The following C18orf63 variants were observed in gnomAD, a reference collection of about 807,000 sequenced individuals.
C18orf63 encodes chromosome 18 open reading frame 63.
In C18orf63, 50 loss-of-function variants were observed where a neutral mutation model predicts 75.3. The ratio of observed to expected loss-of-function variants is 0.66; its 90% CI spans 0.53 to 0.84. C18orf63 has a LOEUF of 0.84. Among genes scored for constraint, C18orf63 ranks in the 40% least tolerant of loss-of-function variants. The pLI is 0.00. For missense variants in C18orf63, 732 were observed against 800.2 expected (o/e 0.91, Z 1.03); for synonymous variants, 232 against 267.6 (o/e 0.87, Z 1.30).
intron 7 of C18orf63, among the ~76,000 whole-genome samples, chr18:74,337,239 T>G (rs1011992135): frequency 6.6e-6 from 1 of 152,118 alleles, no homozygotes; most frequent in Non-Finnish European, 1.5e-5. Flanking sequence ...TATAAATATT[T>G]GCTAAATAAA....
chr18:74,316,409 C>T (rs1358852326), intron 1 of C18orf63, among the ~76,000 whole-genome samples: 2 of 152,184 alleles, frequency 1.3e-5, no homozygotes. Flanking sequence ...GGGCGCTCGC[C>T]TGGGGGCAGC....
In C18orf63 at chr18:74,332,119, C is replaced by T. The variant is rs189038803; in HGVS notation, c.501+1177C>T. Among the ~76,000 whole-genome samples, 663 of 152,172 alleles carry T rather than the reference C, an allele frequency of 4.4e-3. 2 individuals carry two copies. In the South Asian group the frequency reaches 0.046, roughly 11 times the overall value. On this transcript the variant is annotated intron_variant, in intron 7 of 13. Coordinates refer to ENST00000579455, the MANE Select transcript of C18orf63 (RefSeq NM_001174123.2). Reference sequence around the variant, plus strand: ...TCTTTGTTTTCTGTCGCTTAGAATACCTGAAATTGGGTAATTTGTAAAGAA... The same window carrying T: ...TCTTTGTTTTCTGTCGCTTAGAATATCTGAAATTGGGTAATTTGTAAAGAA...
At chr18:74,328,812 T>A (rs1243840111) in intron 5 of C18orf63, among the ~76,000 whole-genome samples, 183 bp from the exon 6 acceptor site, 1 of 152,218 alleles carries the variant, frequency 6.6e-6, no homozygotes, top group Non-Finnish European at 1.5e-5. Flanking sequence ...ATTCTTTTAA[T>A]TGAAGAGATA....
chr18:74,344,642 G>A (rs890962770), intron 11 of C18orf63, among the ~76,000 whole-genome samples: 1 of 151,966 alleles, frequency 6.6e-6, no homozygotes, highest in Non-Finnish European at 1.5e-5. Flanking sequence ...CATTTTGCAT[G>A]CTTTTGAACT....
chr18:74,326,545 A>G (rs1337012094), intron 4 of C18orf63, among the ~76,000 whole-genome samples: 1 of 152,134 alleles, frequency 6.6e-6, no homozygotes, highest in Non-Finnish European at 1.5e-5. Flanking sequence ...CTAGCTTCCT[A>G]GACTCTCAGC....
intron 13 of C18orf63, among the ~76,000 whole-genome samples, chr18:74,355,828 G>A (rs1177731060): frequency 1.3e-5 from 2 of 152,180 alleles, no homozygotes; most frequent in Admixed American, 6.5e-5. Flanking sequence ...AACCCGAGAA[G>A]TGGAGATTGC....
At chr18:74,344,343 G>A (rs1984536735) in intron 11 of C18orf63, among the ~76,000 whole-genome samples, 1 of 151,894 alleles carries the variant, frequency 6.6e-6, no homozygotes, top group African/African-American at 2.4e-5. Flanking sequence ...TATTGGGGAG[G>A]GAGGGTGTTT....
At chr18:74,354,965 A>G (rs960520152) in intron 13 of C18orf63, among the ~76,000 whole-genome samples, 3 of 152,224 alleles carry the variant, frequency 2.0e-5, no homozygotes, top group Non-Finnish European at 4.4e-5. Flanking sequence ...TTTACTCCAA[A>G]AGTGCTACAG....
chr18:74,339,815 T>TA (rs1231954631), intron 8 of C18orf63, among the ~76,000 whole-genome samples: 1 of 152,092 alleles, frequency 6.6e-6, no homozygotes, highest in Non-Finnish European at 1.5e-5. Flanking sequence ...CAAAATCACA[T>TA]AAAAAAGTAG....
At chr18:74,316,532 G>A (rs985895886) in intron 1 of C18orf63, among the ~76,000 whole-genome samples, 5 of 152,200 alleles carry the variant, frequency 3.3e-5, no homozygotes, top group African/African-American at 1.2e-4. Context: ...GGAGCTGGGC[G>A]CTCCCAGAGT....
chr18:74,337,603 T>TA (rs1330740759), intron 7 of C18orf63, among the ~76,000 whole-genome samples: 1 of 152,190 alleles, frequency 6.6e-6, no homozygotes, highest in Non-Finnish European at 1.5e-5. Flanking sequence ...ACCATGTTTT[T>TA]ATCACACATT....
intron 4 of C18orf63, among the ~76,000 whole-genome samples, chr18:74,326,069 G>A (rs1984202390): frequency 6.6e-6 from 1 of 152,214 alleles, no homozygotes; most frequent in African/African-American, 2.4e-5. Flanking sequence ...GAAGACCCTG[G>A]TGGTTTATGG....
rs113154866 is a variant in C18orf63, at chr18:74,328,078, C to T, written c.382+20C>T. 6.4e-5 allele frequency: 87 copies of T among 1,369,048 alleles called. No homozygotes were observed. In the African/African-American group the frequency reaches 1.0e-3, roughly 16 times the overall value. 84.8% of individuals were successfully genotyped at this position (1,369,048 alleles called of 1,614,324 possible). On this transcript the variant is annotated intron_variant, in intron 5 of 13. Transcript: ENST00000579455. Reference sequence around the variant, plus strand: ...TACAAGGTAACTTTATCTTTTTAGTCATTGGGGCTTTCTGAACTAGATTAC... The same window carrying T: ...TACAAGGTAACTTTATCTTTTTAGTTATTGGGGCTTTCTGAACTAGATTAC...
Position 74,323,989 on chromosome 18 carries a change from T to G in C18orf63, c.270+1235T>G, listed in dbSNP as rs142781830. ...GTCCTGTGCAGGGCTGGTGCCCACC[T>G]TGCACCTGGAGCTGCCAGGATAGGC... On this transcript the variant is annotated intron_variant, in intron 4 of 13. Coordinates refer to ENST00000579455, the MANE Select transcript of C18orf63 (RefSeq NM_001174123.2). 8.8e-3 allele frequency among the ~76,000 whole-genome samples: 1,337 copies of G among 152,340 alleles called. 23 individuals carry two copies. Among genetic ancestry groups the G allele is most frequent in the African/African-American group, 0.03 (1,251 of 41,576 alleles).
At chr18:74,337,147 C>A (rs1294780441) in intron 7 of C18orf63, among the ~76,000 whole-genome samples, 1 of 152,078 alleles carries the variant, frequency 6.6e-6, no homozygotes, top group Non-Finnish European at 1.5e-5. Context: ...CTAAATTGTT[C>A]AGATTGGCGT....
chr18:74,354,200 T>G lies in C18orf63; in HGVS notation c.1933T>G (p.Ser645Ala). 1 of 1,536,062 alleles carries G rather than the reference T, an allele frequency of 6.5e-7. No homozygotes were observed. Among genetic ancestry groups the G allele is most frequent in the South Asian group, 1.2e-5 (1 of 84,030 alleles). ...RSKRKLCPES[S>A]KTSKKHHSDT... ...TAAAAGAAAATTATGTCCAGAGTCT[T>G]CCAAAACTTCAAAGAAGCATCATTC... The change falls in exon 12 of 14, where the codon TCC becomes GCC. Residue 645 changes from serine to alanine, a missense_variant. This residue lies in a region of C18orf63 where 495 missense variants were observed against 508.7 expected (regional missense o/e 0.97). Transcript: ENST00000579455.
At chr18:74,354,932 A>G (rs558687339) in intron 13 of C18orf63, among the ~76,000 whole-genome samples, 1 of 152,358 alleles carries the variant, frequency 6.6e-6, no homozygotes, top group Admixed American at 6.5e-5. Context: ...ATGATGTTTC[A>G]AAGGTTAATC....
Position 74,357,789 on chromosome 18 carries a change from C to G in C18orf63, c.*1342C>G, listed in dbSNP as rs1984793946. 6.6e-6 allele frequency: 1 copy of G among 152,152 alleles called. No homozygotes were observed. The highest frequency in any genetic ancestry group is 1.5e-5 in the Non-Finnish European group (1 of 68,032). The allele number at this position is 152,152 out of a possible 1,614,324, so 9.4% of individuals were successfully genotyped here. A position where few individuals can be genotyped will look rare whatever the true frequency, so the allele number is the denominator to read the frequency against. ...GCATTTCTGTTTTCCAGAATTATCT[C>G]TATTTCCCAATTATTTTACCATTTT... On this transcript the variant is annotated 3_prime_UTR_variant, in exon 14 of 14. Transcript: ENST00000579455.
chr18:74,339,192 A>G (rs565986967), intron 8 of C18orf63, among the ~76,000 whole-genome samples: 2 of 152,194 alleles, frequency 1.3e-5, no homozygotes, highest in African/African-American at 2.4e-5. Flanking sequence ...AGTTTGTACT[A>G]TTTTCAGGAA....
Sources: gnomAD v4.1 joint callset for allele counts (sites outside exome capture counted in the v4.1 genomes callset) on GRCh38, gnomAD v4.1.1 for gene constraint, gnomAD v4.1.1 regional missense constraint, MANE v1.5 for transcripts, NCBI Gene and HGNC (gene_info 2026-07-23, HGNC 2026-07-21) for gene names.